Variants in ZNF782 observed in about 807,000 individuals in gnomAD.
ZNF782 encodes zinc finger protein 782.
In ZNF782, 12 loss-of-function variants were observed where a neutral mutation model predicts 13.0. That is an observed-to-expected ratio of 0.92 (90% CI 0.59 to 1.50). The LOEUF (loss-of-function observed/expected upper bound fraction) is 1.50. ZNF782 is among the 40% of genes most tolerant of loss of function. The pLI is 0.00. For synonymous variants in ZNF782, 284 were observed against 283.0 expected (o/e 1.00, Z -0.04); for missense variants, 770 against 822.9 (o/e 0.94, Z 0.79).
upstream of ZNF782, among the ~76,000 whole-genome samples, chr9:96,859,309 G>A (rs1851678149): frequency 1.3e-5 from 2 of 152,268 alleles, no homozygotes; most frequent in South Asian, 4.1e-4. Flanking sequence ...CAGCTATGGA[G>A]TGCTTGCCCA....
chr9:96,820,902 C>T (rs1850396799), intron 5 of ZNF782, among the ~76,000 whole-genome samples: 1 of 152,188 alleles, frequency 6.6e-6, no homozygotes. Context: ...TTTCAGTTTG[C>T]TCACTCATTT....
At chr9:96,911,062 C>CG in the ZNF782 span, among the ~76,000 whole-genome samples, 1 of 148,046 alleles carries the variant, frequency 6.8e-6, no homozygotes, top group Non-Finnish European at 1.5e-5. Flanking sequence ...AACCAGCCTT[C>CG]GGACCGTTCT....
chr9:96,932,959 CTTTCTTTTCTTTTCT>C, the ZNF782 span, among the ~76,000 whole-genome samples: 2 of 148,894 alleles, frequency 1.3e-5, no homozygotes, highest in Non-Finnish European at 3.0e-5. Context: ...CCAATACTTA[CTTTCTTTTCTTTTCT>C]TTTCTTTTTT....
chr9:96,817,850 T>C lies in ZNF782; in HGVS notation c.*73A>G. The C allele has an allele frequency of 1.5e-6, 2 of 1,336,764 alleles. No individual in the cohort carries two copies. 82.8% of individuals were successfully genotyped at this position (1,336,764 alleles called of 1,614,324 possible). ...GCTCACTATGTTAACAGTTCTCTCC[T>C]GTGTGTTCATTTATGTATTGTGAGG... On this transcript the variant is annotated 3_prime_UTR_variant, in exon 6 of 6. Coordinates refer to ENST00000481138, the MANE Select transcript of ZNF782 (RefSeq NM_001001662.3).
At chr9:96,910,193 A>C in the ZNF782 span, 1 of 791,018 alleles carries the variant, frequency 1.3e-6, no homozygotes, top group Non-Finnish European at 2.2e-6. Context: ...CGGGAATGCT[A>C]ATGAGGAAAA....
upstream of ZNF782, among the ~76,000 whole-genome samples, chr9:96,856,039 C>CT (rs1851637830): frequency 6.6e-6 from 1 of 151,992 alleles, no homozygotes; most frequent in Non-Finnish European, 1.5e-5. Context: ...ATTTGTATAT[C>CT]TTTTTTGAGA....
the ZNF782 span, among the ~76,000 whole-genome samples, chr9:96,917,926 G>A: frequency 6.7e-6 from 1 of 150,060 alleles, no homozygotes; most frequent in African/African-American, 2.5e-5. Context: ...GTGTGTGTGT[G>A]TGTAGATGGG....
chr9:96,842,981 T>C (rs1851232427), intron 4 of ZNF782, among the ~76,000 whole-genome samples: 1 of 152,004 alleles, frequency 6.6e-6, no homozygotes, highest in Non-Finnish European at 1.5e-5. Context: ...AAATGCAAAT[T>C]AGGATCACTA....
At chr9:96,880,116 A>G (rs116841811), upstream of ZNF782, among the ~76,000 whole-genome samples, 2,145 of 150,886 alleles carry the variant, frequency 0.014, 33 homozygotes, top group Admixed American at 0.021. Flanking sequence ...AATATGGTTG[A>G]TATTTATGTG....
the ZNF782 span, among the ~76,000 whole-genome samples, chr9:96,924,897 C>T: frequency 6.6e-6 from 1 of 152,258 alleles, no homozygotes; most frequent in Non-Finnish European, 1.5e-5. Context: ...TCCCGCAGGG[C>T]CCCGCTAAGG....
At chr9:96,877,538 TGGCTCCGCCAAGACTGGG>T (rs1394363039), upstream of ZNF782, among the ~76,000 whole-genome samples, 5 of 152,256 alleles carry the variant, frequency 3.3e-5, no homozygotes, top group Admixed American at 3.3e-4. Context: ...GTCTCCCGCC[TGGCTCCGCCAAGACTGGG>T]GGCTTCCCCA....
intron 4 of ZNF782, among the ~76,000 whole-genome samples, chr9:96,838,143 T>C (rs1381206914): frequency 2.6e-5 from 4 of 152,228 alleles, no homozygotes; most frequent in Non-Finnish European, 5.9e-5. Flanking sequence ...TTTCTTTGAC[T>C]CATGTGTTGA....
At position 96,827,152 on chromosome 9, in the gene ZNF782, A is replaced by T. The variant is rs756120893; in HGVS notation, c.172T>A (p.Phe58Ile). 6.2e-7 allele frequency: 1 copy of T among 1,612,308 alleles called. No homozygotes were observed. Among genetic ancestry groups the T allele is most frequent in the East Asian group, 2.2e-5 (1 of 44,846 alleles). Residue 58 changes from phenylalanine to isoleucine, a missense_variant, in exon 5 of 6, where the codon TTC (phenylalanine) becomes ATC (isoleucine). By Grantham distance (21) the Phe-to-Ile change is conservative. Transcript: ENST00000481138. ...GGATCTTCTCCTTGTTCCAATGTGAAGATCAGTTCTGGTTTTGTAAAGCAG... is the reference window on the plus strand; with the variant it reads ...GGATCTTCTCCTTGTTCCAATGTGATGATCAGTTCTGGTTTTGTAAAGCAG... ...GYCFTKPELI[F>I]TLEQGEDPWL...
intron 1 of ZNF782, among the ~76,000 whole-genome samples, chr9:96,871,751 A>G (rs1851831465): frequency 6.6e-6 from 1 of 152,180 alleles, no homozygotes; most frequent in Non-Finnish European, 1.5e-5. Context: ...AAGAAATATA[A>G]CAAACCTTTC....
upstream of ZNF782, among the ~76,000 whole-genome samples, chr9:96,855,974 T>C (rs1217303737): frequency 6.6e-6 from 1 of 152,230 alleles, no homozygotes; most frequent in Non-Finnish European, 1.5e-5. Context: ...TGGTTTTGAT[T>C]TGGATTTCTC....
intron 5 of ZNF782, among the ~76,000 whole-genome samples, chr9:96,820,502 G>C (rs888532225): frequency 2.0e-5 from 3 of 151,510 alleles, no homozygotes; most frequent in African/African-American, 7.3e-5. Context: ...CCTAGCTCTG[G>C]TGACTTGGTT....
rs1015040676 is a variant in ZNF782, at chr9:96,849,040, C to T, written c.15+2907G>A. Among the ~76,000 whole-genome samples the T allele has an allele frequency of 2.0e-5, 3 of 152,138 alleles. No individual in the cohort carries two copies. In the South Asian group the frequency reaches 6.2e-4, roughly 31 times the overall value. On this transcript the variant is annotated intron_variant, in intron 3 of 5. Coordinates refer to ENST00000481138, the MANE Select transcript of ZNF782 (RefSeq NM_001001662.3). ...AAAGCCAAATATGTACAGTCAACAA[C>T]TGATCTTCGACAAAGCATACAAAAA...
At chr9:96,854,738 T>G (rs1181902135), upstream of ZNF782, among the ~76,000 whole-genome samples, 1 of 152,162 alleles carries the variant, frequency 6.6e-6, no homozygotes, top group Non-Finnish European at 1.5e-5. Context: ...TAAACGCTAC[T>G]GACAAATACA....
At chr9:96,893,999 C>CAAAAAAAAAAAAAAAAAAAAAAA in the ZNF782 span, 1 of 48,888 alleles carries the variant, frequency 2.0e-5, no homozygotes, top group African/African-American at 1.1e-4. Context: ...GACTCCGTCT[C>CAAAAAAAAAAAAAAAAAAAAAAA]AAAAAAAAAA....
Sources: allele counts gnomAD v4.1 joint callset (sites outside exome capture counted in the v4.1 genomes callset), GRCh38; gene constraint gnomAD v4.1.1; transcripts MANE v1.5; gene names NCBI Gene and HGNC (gene_info 2026-07-23, HGNC 2026-07-21).